The following SEZ6L variants were observed in gnomAD, a reference collection of about 807,000 sequenced individuals.
SEZ6L encodes the protein seizure 6-like protein.
In SEZ6L, 37 loss-of-function variants were observed where a neutral mutation model predicts 106.2. The observed-to-expected ratio is 0.35, with a 90% CI of 0.27 to 0.46. SEZ6L has a LOEUF of 0.46. SEZ6L is among the 20% of genes least tolerant of loss of function. The pLI is 1.00. For missense variants in SEZ6L, 1,172 were observed against 1,332.8 expected (o/e 0.88, Z 1.88); for synonymous variants, 541 against 570.4 (o/e 0.95, Z 0.73).
intron 1 of SEZ6L, among the ~76,000 whole-genome samples, chr22:26,182,693 C>T (rs988057521): frequency 3.9e-5 from 6 of 151,900 alleles, no homozygotes; most frequent in African/African-American, 1.2e-4. Context: ...TGTGGGAATT[C>T]AACGAGGAGC....
At chr22:26,361,521 AT>A (rs56699748) in intron 12 of SEZ6L, among the ~76,000 whole-genome samples, 25,806 of 123,218 alleles carry the variant, frequency 0.21, 2,616 homozygotes, top group East Asian at 0.31. Context: ...AAAAAAAAAA[AT>A]ATATATATAT....
intron 9 of SEZ6L, among the ~76,000 whole-genome samples, chr22:26,331,722 G>T (rs1350064712): frequency 6.6e-6 from 1 of 152,202 alleles, no homozygotes; most frequent in Non-Finnish European, 1.5e-5. Flanking sequence ...GGTGGCTCAA[G>T]CCTGTATCCC....
intron 1 of SEZ6L, among the ~76,000 whole-genome samples, chr22:26,171,188 C>A (rs921118915): frequency 1.3e-5 from 2 of 152,260 alleles, no homozygotes; most frequent in Admixed American, 6.5e-5. Flanking sequence ...ATTGAAGAAC[C>A]CCCACCCCTT....
In SEZ6L at chr22:26,310,817, C is replaced by T. The variant is rs2081801112; in HGVS notation, c.1662C>T (p.Thr554=). The change falls in exon 7 of 17, where the codon ACC becomes ACT. Residue 554 remains threonine (T), a synonymous_variant. Transcript: ENST00000248933. ...FTSDQARAAS[T]FNIRFEAFEK... Reference sequence around the variant, plus strand: ...CCGACCAGGCCCGGGCGGCCTCCACCTTCAACATCCGATTTGAAGGTGAGG... The same window carrying T: ...CCGACCAGGCCCGGGCGGCCTCCACTTTCAACATCCGATTTGAAGGTGAGG... The T allele has an allele frequency of 6.2e-7, 1 of 1,614,054 alleles. No individual in the cohort carries two copies. Among genetic ancestry groups the T allele is most frequent in the Non-Finnish European group, 8.5e-7 (1 of 1,180,004 alleles).
In SEZ6L at chr22:26,292,417, G is replaced by C. The variant is rs373985470; in HGVS notation, c.106G>C (p.Glu36Gln). 1 of 1,612,396 alleles carries C rather than the reference G, an allele frequency of 6.2e-7. No individual in the cohort carries two copies. The change falls in exon 2 of 17, where the codon GAG becomes CAG. Residue 36 changes from glutamate (E) to glutamine (Q), a missense_variant. Transcript: ENST00000248933. ...AAALERDALP[E>Q]GDASPLGPYL... ...TCTCCTCTTCCAAGATGCTCTTCCC[G>C]AGGGAGATGCTAGCCCTTTGGGTCC... is the stretch of plus-strand genomic sequence containing the variant.
At chr22:26,255,948 T>A (rs2079803139) in intron 1 of SEZ6L, among the ~76,000 whole-genome samples, 1 of 152,084 alleles carries the variant, frequency 6.6e-6, no homozygotes, top group South Asian at 2.1e-4. Context: ...GAAGAGCACA[T>A]GAGTGGGGTT....
chr22:26,340,582 C>G lies in SEZ6L; in HGVS notation c.2162C>G (p.Pro721Arg), dbSNP rs1244603219. The change falls in exon 10 of 17, where the codon CCT becomes CGT. Residue 721 changes from proline (P) to arginine (R), a missense_variant. Coordinates refer to ENST00000248933, the MANE Select transcript of SEZ6L (RefSeq NM_021115.5). ...TTAACCATCCAGTTCCATTCGGACC[C>G]TGCTGGCCTCATCTTTGGAAAGGGC... ...PDLTIQFHSD[P>R]AGLIFGKGQG... The G allele has an allele frequency of 6.2e-7, 1 of 1,614,064 alleles. No individual in the cohort carries two copies. Among genetic ancestry groups the G allele is most frequent in the Non-Finnish European group, 8.5e-7 (1 of 1,180,038 alleles).
chr22:26,215,245 G>C lies in SEZ6L; in HGVS notation c.94+45482G>C, dbSNP rs1436606182. 2.0e-5 allele frequency among the ~76,000 whole-genome samples: 3 copies of C among 152,090 alleles called. No homozygotes were observed. In the East Asian group the frequency reaches 5.8e-4, roughly 29 times the overall value. ...TGTACTTCTTTTTTAAAAAATTTTAGGTTCACTAGGTATATGGGCTTGTTA... is the reference window on the plus strand; with the variant it reads ...TGTACTTCTTTTTTAAAAAATTTTACGTTCACTAGGTATATGGGCTTGTTA... On this transcript the variant is annotated intron_variant, in intron 1 of 16. Coordinates refer to ENST00000248933, the MANE Select transcript of SEZ6L (RefSeq NM_021115.5).
At chr22:26,339,028 C>G (rs1346324358) in intron 9 of SEZ6L, among the ~76,000 whole-genome samples, 1 of 151,834 alleles carries the variant, frequency 6.6e-6, no homozygotes, top group Non-Finnish European at 1.5e-5. Flanking sequence ...TTATCTGCCT[C>G]GAGGTCTCCT....
chr22:26,251,405 A>G lies in SEZ6L; in HGVS notation c.95-41001A>G, dbSNP rs138234943. Among the ~76,000 whole-genome samples the G allele has an allele frequency of 1.2e-3, 187 of 152,212 alleles. 1 individual carries two copies. Among genetic ancestry groups the G allele is most frequent in the African/African-American group, 3.8e-3 (158 of 41,524 alleles). On this transcript the variant is annotated intron_variant, in intron 1 of 16. Transcript: ENST00000248933. ...TAAATGCTTTTTCTGCAAGTCTTGA[A>G]ATAATCATATGGTTTTTGTCTTTGA...
intron 9 of SEZ6L, among the ~76,000 whole-genome samples, chr22:26,319,730 C>T (rs1569461397): frequency 6.6e-6 from 1 of 152,250 alleles, no homozygotes; most frequent in African/African-American, 2.4e-5. Flanking sequence ...CACACCTCCA[C>T]CTGGAATGTC....
intron 1 of SEZ6L, among the ~76,000 whole-genome samples, chr22:26,231,841 TAA>T (rs944918886): frequency 6.6e-6 from 1 of 152,162 alleles, no homozygotes; most frequent in African/African-American, 2.4e-5. Flanking sequence ...AATTCCAACC[TAA>T]GTTTGGCCCT....
At chr22:26,239,677 A>G (rs996492616) in intron 1 of SEZ6L, among the ~76,000 whole-genome samples, 1 of 152,040 alleles carries the variant, frequency 6.6e-6, no homozygotes, top group Admixed American at 6.6e-5. Context: ...CCTCAGATCC[A>G]AGGGGCAACT....
At chr22:26,357,630 A>G (rs1222694838) in intron 12 of SEZ6L, among the ~76,000 whole-genome samples, 1 of 152,196 alleles carries the variant, frequency 6.6e-6, no homozygotes, top group Non-Finnish European at 1.5e-5. Flanking sequence ...AAAGAGAAAG[A>G]ATTTTAAAAT....
intron 1 of SEZ6L, among the ~76,000 whole-genome samples, chr22:26,270,219 A>G (rs1160439461): frequency 1.3e-5 from 2 of 152,188 alleles, no homozygotes; most frequent in Non-Finnish European, 2.9e-5. Flanking sequence ...GTTAACGCAC[A>G]CAGGGAGGGC....
chr22:26,338,860 T>TCTTTTC (rs1314704563), intron 9 of SEZ6L, among the ~76,000 whole-genome samples: 105 of 93,622 alleles, frequency 1.1e-3, no homozygotes, highest in Non-Finnish European at 2.0e-3. Flanking sequence ...CCGGACTTTT[T>TCTTTTC]TTTTTTCTTT....
At chr22:26,311,038 T>C (rs1017257134) in intron 7 of SEZ6L, among the ~76,000 whole-genome samples, 1 of 152,256 alleles carries the variant, frequency 6.6e-6, no homozygotes, top group Middle Eastern at 3.2e-3. Context: ...TACTACGTGC[T>C]CAGTGCCTTC....
chr22:26,342,711 A>AAAGAAAC (rs2082878553), intron 10 of SEZ6L, among the ~76,000 whole-genome samples: 1 of 152,192 alleles, frequency 6.6e-6, no homozygotes, highest in Admixed American at 6.5e-5. Context: ...AAAAGAAAAA[A>AAAGAAAC]GAAAAGAATT....
At chr22:26,372,843 TAGAG>T (rs767102674) in intron 13 of SEZ6L, among the ~76,000 whole-genome samples, 113 of 152,312 alleles carry the variant, frequency 7.4e-4, no homozygotes, top group Non-Finnish European at 1.2e-3. Context: ...AAAATGAAAT[TAGAG>T]AGGTTTACAT....
Sources: gnomAD v4.1 joint callset for allele counts (sites outside exome capture counted in the v4.1 genomes callset) on GRCh38, gnomAD v4.1.1 for gene constraint, MANE v1.5 for transcripts, NCBI Gene and HGNC (gene_info 2026-07-23, HGNC 2026-07-21) for gene names.